Variants in MMP17 observed in about 807,000 individuals in gnomAD.
The protein encoded by MMP17 is matrix metalloproteinase-17.
Under a neutral mutation model 49.1 loss-of-function variants are expected in MMP17, and 54 were observed. That is an observed-to-expected ratio of 1.10 (90% CI 0.88 to 1.38). The LOEUF is 1.38. Among genes scored for constraint, MMP17 ranks in the 40% most tolerant of loss-of-function variants. The probability of loss-of-function intolerance (pLI) is 0.00; values close to 1 mark genes in which losing one functional copy is unlikely to be tolerated. For synonymous variants in MMP17, 397 were observed against 383.1 expected, an observed-to-expected ratio of 1.04 and a Z score of -0.42; for missense variants, 837 against 853.7, an observed-to-expected ratio of 0.98 and a Z score of 0.24.
At chr12:131,845,551 C>G in intron 8 of MMP17, 102 bp downstream of exon 8, 1 of 1,407,078 alleles carries the variant, frequency 7.1e-7, no homozygotes, top group South Asian at 1.5e-5. Flanking sequence ...TACGTCTGCC[C>G]AGAGGCTGGT....
intron 9 of MMP17, among the ~76,000 whole-genome samples, chr12:131,850,443 G>A (rs911037919): frequency 3.3e-5 from 5 of 152,126 alleles, no homozygotes; most frequent in South Asian, 2.1e-4. Context: ...CCCCTGCCAC[G>A]TCCCACAGTG....
At chr12:131,834,042 T>A (rs1311249217) in intron 1 of MMP17, among the ~76,000 whole-genome samples, 1 of 152,240 alleles carries the variant, frequency 6.6e-6, no homozygotes, top group Non-Finnish European at 1.5e-5. Context: ...AGAGTGGGCC[T>A]GGGCAGCTGC....
rs1886617150 is a variant in MMP17, at chr12:131,828,436, G to C, written c.-59G>C. ...CGGAGAGCGGAGGGCGCCGGGCTGC[G>C]GAACGCGAAGCGGAGGGCGCGGGAC... On this transcript the variant is annotated 5_prime_UTR_variant, in exon 1 of 10. Transcript: ENST00000360564. 5 of 952,958 alleles carry C rather than the reference G, an allele frequency of 5.2e-6. No homozygotes were observed. The East Asian group carries it at 4.6e-4, about 87-fold the overall frequency. 59.0% of individuals were successfully genotyped at this position (952,958 alleles called of 1,614,324 possible).
chr12:131,830,932 T>C (rs971632393), intron 1 of MMP17, among the ~76,000 whole-genome samples: 6 of 152,172 alleles, frequency 3.9e-5, no homozygotes, highest in African/African-American at 1.2e-4. Context: ...TCTTTCTGTG[T>C]TTTGAGTACG....
chr12:131,837,637 G>C (rs916881061), intron 1 of MMP17, among the ~76,000 whole-genome samples: 1 of 152,238 alleles, frequency 6.6e-6, no homozygotes, highest in African/African-American at 2.4e-5. Flanking sequence ...GCGTGGGGTG[G>C]GGCAGGGTTG....
In MMP17 at chr12:131,828,393, A is replaced by G. The variant is rs941155760; in HGVS notation, c.-102A>G. ...CGCTTGAGGCTGCCGCGCGGGGCTC[A>G]GTCCGGCGGGGGCGCCGCGGAGAGC... On this transcript the variant is annotated 5_prime_UTR_variant, in exon 1 of 10. Transcript: ENST00000360564. 104 of 669,790 alleles carry G rather than the reference A, an allele frequency of 1.6e-4. 1 individual carries two copies. Among genetic ancestry groups the G allele is most frequent in the Non-Finnish European group, 1.8e-4 (100 of 541,512 alleles). 41.5% of individuals were successfully genotyped at this position (669,790 alleles called of 1,614,324 possible).
At position 131,846,218 on chromosome 12, in the gene MMP17, T is replaced by A. The variant is rs1887696344; in HGVS notation, c.1204+769T>A. On this transcript the variant is annotated intron_variant, in intron 8 of 9. Coordinates refer to ENST00000360564, the MANE Select transcript of MMP17 (RefSeq NM_016155.7). This position sits in a 1 kb window ranked among gnomAD's most constrained non-coding sequence, Gnocchi z 4.6. ...GGCAGGGTGGGTCCCCTCTGGAGGC[T>A]GTCCCAGGCCTCTCCCACATCCAGT... Among the ~76,000 whole-genome samples, 1 of 152,134 alleles carries A rather than the reference T, an allele frequency of 6.6e-6. No individual in the cohort carries two copies. The highest frequency in any genetic ancestry group is 2.1e-4 in the South Asian group (1 of 4,824).
At position 131,828,530 on chromosome 12, in the gene MMP17, G is replaced by A. The variant is rs1286117601; in HGVS notation, c.36G>A (p.Pro12=). The A allele has an allele frequency of 2.0e-6, 2 of 994,100 alleles. No individual in the cohort carries two copies. The highest frequency in any genetic ancestry group is 2.4e-6 in the Non-Finnish European group (2 of 839,218). The allele number at this position is 994,100 out of a possible 1,614,324, so 61.6% of individuals were successfully genotyped here. A position where few individuals can be genotyped will look rare whatever the true frequency, so the allele number is the denominator to read the frequency against. ...GCGCAGCCCGGGGACCCGGCCCGCC[G>A]CCCCCAGGGCCCGGACTCTCGCGGC... ...RRRAARGPGP[P]PPGPGLSRLP... Residue 12 remains proline (P), a synonymous_variant, in exon 1 of 10, where the codon CCG becomes CCA. Transcript: ENST00000360564.
In MMP17 at chr12:131,828,459, G is replaced by T. The variant is rs1886618959; in HGVS notation, c.-36G>T. On this transcript the variant is annotated 5_prime_UTR_variant, in exon 1 of 10. Coordinates refer to ENST00000360564, the MANE Select transcript of MMP17 (RefSeq NM_016155.7). ...GCGGAACGCGAAGCGGAGGGCGCGG[G>T]ACCCTGCACGCCGCCCGCGGGCCCA... is the stretch of plus-strand genomic sequence containing the variant. The T allele has an allele frequency of 1.0e-6, 1 of 987,136 alleles. No homozygotes were observed. Among genetic ancestry groups the T allele is most frequent in the South Asian group, 4.6e-5 (1 of 21,766 alleles). The allele number at this position is 987,136 out of a possible 1,614,324, so 61.1% of individuals were successfully genotyped here.
chr12:131,843,554 T>C (rs980095227), intron 5 of MMP17, among the ~76,000 whole-genome samples: 10 of 152,198 alleles, frequency 6.6e-5, no homozygotes, highest in Non-Finnish European at 1.3e-4. Flanking sequence ...GCCCGGCTTC[T>C]TCCACTGAGC....
intron 1 of MMP17, among the ~76,000 whole-genome samples, chr12:131,830,311 G>T (rs986770372): frequency 1.4e-4 from 21 of 152,232 alleles, no homozygotes; most frequent in Non-Finnish European, 7.3e-5. Flanking sequence ...CACCCGCCCC[G>T]CGCCCTGCGA....
At chr12:131,838,418 C>A in intron 2 of MMP17, 91 bp downstream of exon 2, 4 of 1,515,520 alleles carry the variant, frequency 2.6e-6, no homozygotes, top group Non-Finnish European at 2.7e-6. Flanking sequence ...ACAGTCCCGT[C>A]TTATGCTTGA....
rs7136508 is a variant in MMP17 at position 131,851,420 on chromosome 12, T to C, written c.*146T>C. 642,152 of 642,578 alleles carry C rather than the reference T, an allele frequency of 1. 320,864 individuals are homozygous for C. The highest frequency in any genetic ancestry group is 1 in the Middle Eastern group (2,110 of 2,110). The allele number at this position is 642,578 out of a possible 1,614,324, so 39.8% of individuals were successfully genotyped here. A position where few individuals can be genotyped will look rare whatever the true frequency, so the allele number is the denominator to read the frequency against. The stretch of plus-strand genomic sequence containing the variant: ...ACCGGAAGGCCAGCAGAGGGCACTG[T>C]CCGCCAGGGCTGGGCAGGCTCAGGT... On this transcript the variant is annotated 3_prime_UTR_variant, in exon 10 of 10. Transcript: ENST00000360564.
chr12:131,849,743 C>G, intron 8 of MMP17, 59 bp from the exon 9 acceptor site: 1 of 1,538,318 alleles, frequency 6.5e-7, no homozygotes, highest in Non-Finnish European at 8.8e-7. Flanking sequence ...AAGGCAGGAG[C>G]CTCCTGCCCT....
Position 131,840,678 on chromosome 12 carries a change from C to A in MMP17, c.528C>A (p.His176Gln), listed in dbSNP as rs145329245. 6.2e-7 allele frequency: 1 copy of A among 1,607,968 alleles called. No homozygotes were observed. The highest frequency in any genetic ancestry group is 1.1e-5 in the South Asian group (1 of 91,092). The change falls in exon 4 of 10, where the codon CAC becomes CAA. Residue 176 changes from histidine (H) to glutamine (Q), a missense_variant. Coordinates refer to ENST00000360564, the MANE Select transcript of MMP17 (RefSeq NM_016155.7). ...VWSDIAPLNF[H>Q]EVAGSAADIQ... The stretch of plus-strand genomic sequence containing the variant: ...GCGACATTGCGCCCCTGAACTTCCA[C>A]GAGGTGGCGGGCAGCGCCGCCGACA...
Position 131,838,809 on chromosome 12 carries a change from G to A in MMP17, c.422+68G>A, listed in dbSNP as rs561024050. On this transcript the variant is annotated intron_variant, in intron 3 of 9. Coordinates refer to ENST00000360564, the MANE Select transcript of MMP17 (RefSeq NM_016155.7). ...TGGGCGCGTGGCCAGGGTGAGGAACGGGGTCTCCGTGGAGGTGGGCGCGTG... is the reference window on the plus strand; with the variant it reads ...TGGGCGCGTGGCCAGGGTGAGGAACAGGGTCTCCGTGGAGGTGGGCGCGTG... 894 of 1,495,074 alleles carry A rather than the reference G, an allele frequency of 6.0e-4. 1 individual carries two copies. The highest frequency in any genetic ancestry group is 7.4e-4 in the Non-Finnish European group (823 of 1,116,956). The allele number at this position is 1,495,074 out of a possible 1,614,324, so 92.6% of individuals were successfully genotyped here.
chr12:131,832,950 C>T (rs1369263135), intron 1 of MMP17, among the ~76,000 whole-genome samples: 1 of 152,188 alleles, frequency 6.6e-6, no homozygotes, highest in Admixed American at 6.5e-5. Flanking sequence ...TTCCGTGTCC[C>T]CCAGGATGTT....
intron 6 of MMP17, chr12:131,844,429 C>A (rs759741748): frequency 1.7e-5 from 6 of 346,818 alleles, no homozygotes; most frequent in East Asian, 8.0e-5. Context: ...CTGGCCTGTG[C>A]CCCCAGCGGG....
At chr12:131,830,433 G>C (rs1170522695) in intron 1 of MMP17, among the ~76,000 whole-genome samples, 1 of 152,222 alleles carries the variant, frequency 6.6e-6, no homozygotes, top group East Asian at 1.9e-4. Context: ...CTGGAGCCCC[G>C]CTCCGTGTCG....
Sources: gnomAD v4.1 joint callset for allele counts (sites outside exome capture counted in the v4.1 genomes callset) on GRCh38, gnomAD v4.1.1 for gene constraint, Gnocchi (gnomAD v3.1) non-coding constraint, MANE v1.5 for transcripts, NCBI Gene and HGNC (gene_info 2026-07-23, HGNC 2026-07-21) for gene names.